The following SLC12A8 variants were observed in gnomAD, a reference collection of about 807,000 sequenced individuals.
SLC12A8 encodes cation-chloride cotransporter 9.
SLC12A8 carries 69 observed loss-of-function variants against 75.6 expected under a neutral mutation model. The ratio of observed to expected loss-of-function variants is 0.91; its 90% CI spans 0.75 to 1.11. The LOEUF (loss-of-function observed/expected upper bound fraction) is 1.11, where lower values mean the gene tolerates loss of function less well. Among genes scored for constraint, SLC12A8 ranks in the 50% most tolerant of loss-of-function variants. SLC12A8 has a pLI of 0.00. For synonymous variants in SLC12A8, 365 were observed against 372.8 expected (o/e 0.98, Z 0.24); for missense variants, 877 against 896.7 (o/e 0.98, Z 0.28).
chr3:125,131,795 G>A (rs1464442496), intron 6 of SLC12A8, among the ~76,000 whole-genome samples: 2 of 152,212 alleles, frequency 1.3e-5, no homozygotes, highest in South Asian at 2.1e-4. Context: ...CCCTGGACAG[G>A]AGTGTCCCCA....
At chr3:125,208,434 T>A (rs1935267039) in intron 2 of SLC12A8, among the ~76,000 whole-genome samples, 1 of 152,130 alleles carries the variant, frequency 6.6e-6, no homozygotes, top group Non-Finnish European at 1.5e-5. Context: ...ATTAAATACA[T>A]ACTCCCCTTA....
chr3:125,117,777 A>G (rs1939348542), intron 8 of SLC12A8, among the ~76,000 whole-genome samples: 1 of 152,148 alleles, frequency 6.6e-6, no homozygotes, highest in Admixed American at 6.5e-5. Context: ...TTTCCAGAAA[A>G]ATATCTGGAA....
chr3:125,083,367 C>A lies in SLC12A8; in HGVS notation c.*523G>T. The A allele has an allele frequency of 6.3e-6, 1 of 158,020 alleles. No individual in the cohort carries two copies. The highest frequency in any genetic ancestry group is 1.4e-5 in the Non-Finnish European group (1 of 71,458). 9.8% of individuals were successfully genotyped at this position (158,020 alleles called of 1,614,324 possible). On this transcript the variant is annotated 3_prime_UTR_variant, in exon 14 of 14. Transcript: ENST00000469902. ...ATTCCTGATGTCACCCTGGGTGAGA[C>A]GTGGTCCTCAGAATCCAGATTTCCT...
intron 4 of SLC12A8, among the ~76,000 whole-genome samples, chr3:125,179,992 A>T (rs1367258886): frequency 1.3e-5 from 2 of 152,214 alleles, no homozygotes; most frequent in Non-Finnish European, 2.9e-5. Context: ...GCAGAGGATG[A>T]TGCCATGGGA....
intron 6 of SLC12A8, among the ~76,000 whole-genome samples, chr3:125,130,831 G>A (rs1449144535): frequency 1.3e-5 from 2 of 152,178 alleles, no homozygotes; most frequent in South Asian, 2.1e-4. Context: ...GCCAGCCGTG[G>A]GAGCAGAGTG....
rs529682546 is a variant in SLC12A8 at position 125,133,843 on chromosome 3, G to A, written c.736+1826C>T. On this transcript the variant is annotated intron_variant, in intron 6 of 13. Transcript: ENST00000469902. ...CTGTCTTGGCCTCCCAAAGTGTTAG[G>A]ATTATAGGCACAAGCCACCACGCCA... Among the ~76,000 whole-genome samples the A allele has an allele frequency of 6.3e-4, 96 of 152,204 alleles. 1 individual carries two copies. The highest frequency in any genetic ancestry group is 2.2e-3 in the African/African-American group (91 of 41,524).
intron 4 of SLC12A8, among the ~76,000 whole-genome samples, chr3:125,179,967 T>C (rs1934618868): frequency 6.6e-6 from 1 of 152,132 alleles, no homozygotes; most frequent in African/African-American, 2.4e-5. Context: ...CCCAGGTACC[T>C]GATGTCTCTG....
chr3:125,202,075 A>G (rs1277593972), intron 2 of SLC12A8, among the ~76,000 whole-genome samples: 3 of 151,938 alleles, frequency 2.0e-5, no homozygotes, highest in Admixed American at 6.6e-5. Context: ...ACCCAGCTAA[A>G]CTTTTTTGTA....
At chr3:125,108,196 A>G (rs1939090078) in intron 9 of SLC12A8, 70 bp from the exon 10 acceptor site, 1 of 1,477,446 alleles carries the variant, frequency 6.8e-7, no homozygotes, top group Non-Finnish European at 9.1e-7. Context: ...TTCAGAAGTT[A>G]CAGGCTAGAA....
chr3:125,125,057 T>C (rs1326426593), intron 6 of SLC12A8, among the ~76,000 whole-genome samples: 2 of 152,168 alleles, frequency 1.3e-5, no homozygotes, highest in African/African-American at 4.8e-5. Context: ...CTAATATTCA[T>C]TGTCCATCTC....
intron 2 of SLC12A8, among the ~76,000 whole-genome samples, chr3:125,210,880 A>G (rs1175361907): frequency 6.6e-6 from 1 of 152,248 alleles, no homozygotes. Context: ...AAAGAAGAAA[A>G]AAAAATAGCA....
At chr3:125,107,435 G>A in intron 10 of SLC12A8, 46 bp downstream of exon 10, 1 of 1,527,406 alleles carries the variant, frequency 6.5e-7, no homozygotes. Context: ...GATAATCAGT[G>A]GTCATCCCCA....
chr3:125,088,390 A>T lies in SLC12A8; in HGVS notation c.1922-20T>A, dbSNP rs374085475. The T allele has an allele frequency of 1.2e-6, 2 of 1,613,686 alleles. No individual in the cohort carries two copies. Among genetic ancestry groups the T allele is most frequent in the South Asian group, 1.1e-5 (1 of 91,048 alleles). On this transcript the variant is annotated intron_variant, in intron 12 of 13. Coordinates refer to ENST00000469902, the MANE Select transcript of SLC12A8 (RefSeq NM_024628.6). ...CTGATCCTGCAGGGAAGACATATACATAACCATTTTTGAAGGTTCTACATA... is the reference window on the plus strand; with the variant it reads ...CTGATCCTGCAGGGAAGACATATACTTAACCATTTTTGAAGGTTCTACATA...
At chr3:125,158,820 A>G (rs1560071407) in intron 5 of SLC12A8, among the ~76,000 whole-genome samples, 1 of 152,214 alleles carries the variant, frequency 6.6e-6, no homozygotes, top group African/African-American at 2.4e-5. Flanking sequence ...AGTCTCAAAT[A>G]TTTATGATGA....
chr3:125,141,367 T>C (rs985367619), intron 5 of SLC12A8, among the ~76,000 whole-genome samples: 2 of 152,172 alleles, frequency 1.3e-5, no homozygotes, highest in Non-Finnish European at 2.9e-5. Context: ...GGGGTGCTCG[T>C]GGGAGCCTAC....
At chr3:125,192,096 T>C (rs1309710438) in intron 2 of SLC12A8, among the ~76,000 whole-genome samples, 1 of 151,988 alleles carries the variant, frequency 6.6e-6, no homozygotes, top group Non-Finnish European at 1.5e-5. Flanking sequence ...GGTCCCAACT[T>C]CCTGTCTCTG....
chr3:125,174,176 A>G (rs1934471850), intron 5 of SLC12A8, among the ~76,000 whole-genome samples: 1 of 152,256 alleles, frequency 6.6e-6, no homozygotes, highest in African/African-American at 2.4e-5. Context: ...AAAGATCTTG[A>G]CAAACACTTC....
intron 2 of SLC12A8, among the ~76,000 whole-genome samples, chr3:125,210,822 T>C (rs999565707): frequency 6.6e-6 from 1 of 151,922 alleles, no homozygotes; most frequent in African/African-American, 2.4e-5. Context: ...CAATTCCATA[T>C]CTACAGAATG....
At chr3:125,121,933 G>A (rs1489337568) in intron 6 of SLC12A8, among the ~76,000 whole-genome samples, 1 of 152,208 alleles carries the variant, frequency 6.6e-6, no homozygotes, top group Admixed American at 6.5e-5. Flanking sequence ...TTTACCCATC[G>A]TAGGTAGTCA....
Sources: gnomAD v4.1 joint callset for allele counts (sites outside exome capture counted in the v4.1 genomes callset) on GRCh38, gnomAD v4.1.1 for gene constraint, MANE v1.5 for transcripts, NCBI Gene and HGNC (gene_info 2026-07-23, HGNC 2026-07-21) for gene names.